The following NOVA1 variants were observed in gnomAD, a reference collection of about 807,000 sequenced individuals.
NOVA1 encodes the protein NOVA alternative splicing regulator 1.
Under a neutral mutation model 38.0 loss-of-function variants are expected in NOVA1, and 7 were observed. That is an observed-to-expected ratio of 0.18 (90% CI 0.10 to 0.35). The LOEUF (loss-of-function observed/expected upper bound fraction) is 0.35, where lower values mean the gene tolerates loss of function less well. Ranked by LOEUF, NOVA1 falls within the 10% of genes least tolerant of loss-of-function variation. NOVA1 has a pLI of 1.00. For missense variants in NOVA1, 460 were observed against 616.0 expected (o/e 0.75, Z 2.68); for synonymous variants, 270 against 232.5 (o/e 1.16, Z -1.47).
intron 2 of NOVA1, among the ~76,000 whole-genome samples, chr14:26,571,077 G>A (rs1036201186): frequency 7.2e-5 from 11 of 151,838 alleles, no homozygotes; most frequent in African/African-American, 2.7e-4. Flanking sequence ...AATTGGTGAT[G>A]TGTTACTTTG....
chr14:26,585,777 C>G (rs1290100538), intron 2 of NOVA1, among the ~76,000 whole-genome samples: 3 of 139,802 alleles, frequency 2.1e-5, no homozygotes, highest in Non-Finnish European at 3.1e-5. Flanking sequence ...TTCTTTCACA[C>G]AGGATAGCAT....
intron 2 of NOVA1, among the ~76,000 whole-genome samples, chr14:26,495,464 C>G (rs1886690756): frequency 6.6e-6 from 1 of 152,084 alleles, no homozygotes; most frequent in South Asian, 2.1e-4. Flanking sequence ...AAAACTATGA[C>G]CTTGGATGAG....
intron 4 of NOVA1, among the ~76,000 whole-genome samples, chr14:26,469,846 C>G (rs1203218364): frequency 6.6e-6 from 1 of 152,136 alleles, no homozygotes; most frequent in Non-Finnish European, 1.5e-5. Context: ...AGTGATTCTC[C>G]TGCCTCGGCC....
chr14:26,454,844 T>G (rs1325981870), intron 4 of NOVA1, among the ~76,000 whole-genome samples: 1 of 152,144 alleles, frequency 6.6e-6, no homozygotes, highest in East Asian at 1.9e-4. Context: ...GAAAAATGCC[T>G]TTTATTTTCC....
intron 4 of NOVA1, among the ~76,000 whole-genome samples, chr14:26,471,467 T>C (rs1203011075): frequency 2.6e-5 from 4 of 151,518 alleles, no homozygotes; most frequent in African/African-American, 7.3e-5. Context: ...AAAGCAAAAA[T>C]ATTAAAGAAA....
At chr14:26,465,635 C>A (rs917079391) in intron 4 of NOVA1, among the ~76,000 whole-genome samples, 1 of 152,048 alleles carries the variant, frequency 6.6e-6, no homozygotes, top group Non-Finnish European at 1.5e-5. Flanking sequence ...TATAAGTATT[C>A]TTTTCTAGTT....
intron 2 of NOVA1, among the ~76,000 whole-genome samples, chr14:26,581,461 A>G (rs923438702): frequency 2.6e-5 from 4 of 152,188 alleles, no homozygotes; most frequent in Admixed American, 2.0e-4. Context: ...TTTCATGTAA[A>G]CAATCTCAAA....
intron 4 of NOVA1, among the ~76,000 whole-genome samples, chr14:26,465,214 G>GC (rs1884016185): frequency 6.6e-6 from 1 of 152,124 alleles, no homozygotes; most frequent in East Asian, 1.9e-4. Flanking sequence ...TTGCTCTGTT[G>GC]CCCAGGCTGG....
chr14:26,453,758 CTATT>C (rs374872671), intron 4 of NOVA1, among the ~76,000 whole-genome samples: 18 of 152,158 alleles, frequency 1.2e-4, no homozygotes, highest in Non-Finnish European at 1.9e-4. Context: ...AAATCATAAA[CTATT>C]TAATAAAACC....
chr14:26,532,933 ATCT>A (rs1889823658), intron 2 of NOVA1, among the ~76,000 whole-genome samples: 1 of 152,204 alleles, frequency 6.6e-6, no homozygotes, highest in African/African-American at 2.4e-5. Context: ...TGGTTCAGAA[ATCT>A]TATTAGAATG....
At chr14:26,461,368 T>G (rs1258531554) in intron 4 of NOVA1, among the ~76,000 whole-genome samples, 2 of 152,174 alleles carry the variant, frequency 1.3e-5, no homozygotes, top group African/African-American at 4.8e-5. Context: ...TCACATAACC[T>G]GATATTTACC....
At chr14:26,469,972 T>G (rs1594352030) in intron 4 of NOVA1, 1 of 159,900 alleles carries the variant, frequency 6.3e-6, no homozygotes, top group East Asian at 1.9e-4. Context: ...GTAGTCAGAG[T>G]CTGTCAGTCT....
intron 4 of NOVA1, among the ~76,000 whole-genome samples, chr14:26,451,142 T>C (rs955806660): frequency 2.6e-5 from 4 of 152,142 alleles, no homozygotes; most frequent in African/African-American, 9.7e-5. Context: ...ACATTCACTC[T>C]ATGAAATGTG....
intron 2 of NOVA1, among the ~76,000 whole-genome samples, chr14:26,513,156 G>A (rs1490026370): frequency 6.6e-6 from 1 of 151,864 alleles, no homozygotes; most frequent in Non-Finnish European, 1.5e-5. Context: ...AACACAAAAT[G>A]ATCCTATAAT....
intron 2 of NOVA1, among the ~76,000 whole-genome samples, chr14:26,584,072 G>T (rs1893379067): frequency 6.6e-6 from 1 of 151,438 alleles, no homozygotes; most frequent in South Asian, 2.1e-4. Context: ...TGAATCAAAA[G>T]CAAATTAGTT....
chr14:26,514,833 T>C (rs1836040365), intron 2 of NOVA1, among the ~76,000 whole-genome samples: 1 of 151,928 alleles, frequency 6.6e-6, no homozygotes, highest in Non-Finnish European at 1.5e-5. Flanking sequence ...CTAAAAACTA[T>C]ATACATTTGT....
intron 2 of NOVA1, among the ~76,000 whole-genome samples, chr14:26,482,948 A>G (rs898964826): frequency 4.0e-4 from 61 of 152,228 alleles, no homozygotes; most frequent in African/African-American, 1.4e-3. Flanking sequence ...TGCCCACCTC[A>G]GCCTCCCAAA....
intron 2 of NOVA1, among the ~76,000 whole-genome samples, 186 bp downstream of exon 2, chr14:26,595,224 T>C (rs1594601088): frequency 6.6e-6 from 1 of 152,158 alleles, no homozygotes; most frequent in Non-Finnish European, 1.5e-5. Flanking sequence ...ACAACAATTA[T>C]AGGAAAAAGG....
At chr14:26,569,522 G>A (rs1892342787) in intron 2 of NOVA1, among the ~76,000 whole-genome samples, 1 of 152,160 alleles carries the variant, frequency 6.6e-6, no homozygotes, top group Non-Finnish European at 1.5e-5. Flanking sequence ...AGAAGTAGAT[G>A]TGAATGATAC....
Sources: allele counts gnomAD v4.1 joint callset (sites outside exome capture counted in the v4.1 genomes callset), GRCh38; gene constraint gnomAD v4.1.1; transcripts MANE v1.5; gene names NCBI Gene and HGNC (gene_info 2026-07-23, HGNC 2026-07-21).